Variants in SERPIND1 observed in about 807,000 individuals in gnomAD.
SERPIND1 encodes the protein serpin family D member 1.
SERPIND1 carries 34 observed loss-of-function variants against 35.0 expected under a neutral mutation model. That is an observed-to-expected ratio of 0.97 (90% CI 0.74 to 1.29). The LOEUF is 1.29. SERPIND1 is among the 50% of genes most tolerant of loss of function. SERPIND1 has a pLI of 0.00. For synonymous variants in SERPIND1, 236 were observed against 241.1 expected (o/e 0.98, Z 0.19); for missense variants, 633 against 637.7 (o/e 0.99, Z 0.08).
intron 2 of SERPIND1, among the ~76,000 whole-genome samples, chr22:20,780,902 C>A (rs964153928): frequency 2.1e-4 from 32 of 151,802 alleles, no homozygotes; most frequent in African/African-American, 7.3e-4. Flanking sequence ...AATACAAAAA[C>A]TGTTTTAGCA....
Position 20,779,548 on chromosome 22 carries a change from A to G in SERPIND1, c.236A>G (p.Tyr79Cys). Residue 79 changes from tyrosine to cysteine, a missense_variant, in exon 2 of 5, where the codon TAT (tyrosine) becomes TGT (cysteine). Physicochemically the swap from Tyr to Cys is radical, Grantham distance 194. Transcript: ENST00000215727. ...CCAGAGGGGGAGGAGGACGACGACTATCTGGACCTGGAGAAGATATTCAGT... is the reference window on the plus strand; with the variant it reads ...CCAGAGGGGGAGGAGGACGACGACTGTCTGGACCTGGAGAAGATATTCAGT... ...WIPEGEEDDDYLDLEKIFSED... is the reference protein window; with the variant it reads ...WIPEGEEDDDCLDLEKIFSED... 1.2e-6 allele frequency: 2 copies of G among 1,614,146 alleles called. No homozygotes were observed. Among genetic ancestry groups the G allele is most frequent in the Non-Finnish European group, 1.7e-6 (2 of 1,179,974 alleles).
At chr22:20,782,167 C>G (rs5760531) in intron 2 of SERPIND1, among the ~76,000 whole-genome samples, 10,438 of 152,246 alleles carry the variant, frequency 0.069, 352 homozygotes, top group East Asian at 0.079. Context: ...CCCCCAAGTA[C>G]ACCAAAGAGC....
At chr22:20,781,321 G>A (rs1465894691) in intron 2 of SERPIND1, among the ~76,000 whole-genome samples, 1 of 152,210 alleles carries the variant, frequency 6.6e-6, no homozygotes, top group Admixed American at 6.5e-5. Flanking sequence ...CACGAGGAAT[G>A]GTTCGGCTTC....
At chr22:20,784,921 T>C (rs1934092249) in intron 3 of SERPIND1, among the ~76,000 whole-genome samples, 1 of 152,100 alleles carries the variant, frequency 6.6e-6, no homozygotes, top group Non-Finnish European at 1.5e-5. Context: ...GCAACCAAAC[T>C]GAGAAAAGTA....
chr22:20,777,648 G>T (rs1027326671), intron 1 of SERPIND1, among the ~76,000 whole-genome samples: 2 of 152,218 alleles, frequency 1.3e-5, no homozygotes, highest in Non-Finnish European at 2.9e-5. Flanking sequence ...CACAGCGCCT[G>T]GCCGGCAGTT....
At position 20,776,389 on chromosome 22, in the gene SERPIND1, T is replaced by G. The variant is rs1933276009; in HGVS notation, c.-17+2244T>G. On this transcript the variant is annotated intron_variant, in intron 1 of 4. Transcript: ENST00000215727. Reference sequence around the variant, plus strand: ...TTTCCCGTGTGTAAACTAGTGGCACTGCAGCCTGAGGCAGGTGCTGAGATG... The same window carrying G: ...TTTCCCGTGTGTAAACTAGTGGCACGGCAGCCTGAGGCAGGTGCTGAGATG... 2.6e-5 allele frequency among the ~76,000 whole-genome samples: 4 copies of G among 152,192 alleles called. No homozygotes were observed. The South Asian group carries it at 8.3e-4, about 32-fold the overall frequency.
chr22:20,782,857 A>G (rs1433662605), intron 2 of SERPIND1, among the ~76,000 whole-genome samples: 1 of 152,196 alleles, frequency 6.6e-6, no homozygotes, highest in Non-Finnish European at 1.5e-5. Context: ...AGGCAGACTC[A>G]GGGAGAAGGG....
chr22:20,783,812 A>C (rs1179727084), intron 2 of SERPIND1, among the ~76,000 whole-genome samples, 160 bp from the exon 3 acceptor site: 2 of 152,114 alleles, frequency 1.3e-5, no homozygotes, highest in Admixed American at 6.5e-5. Flanking sequence ...TAGAAATGCA[A>C]ATTTCTGCCC....
chr22:20,779,752 CTT>C lies in SERPIND1; in HGVS notation c.442_443del (p.Phe148ArgfsTer2). 5 of 1,614,240 alleles carry C rather than the reference CTT, an allele frequency of 3.1e-6. No homozygotes were observed. The highest frequency in any genetic ancestry group is 4.2e-6 in the Non-Finnish European group (5 of 1,180,036). ...CGAGTGCTGAAAGACCAGGTCAACA[CTT>C]TCGATAACATCTTCATAGCACCCGT... On this transcript the variant is annotated frameshift_variant, in exon 2 of 5. Transcript: ENST00000215727. LOFTEE classifies it high-confidence loss of function.
At chr22:20,783,002 C>A (rs1933917125) in intron 2 of SERPIND1, among the ~76,000 whole-genome samples, 1 of 152,150 alleles carries the variant, frequency 6.6e-6, no homozygotes, top group Non-Finnish European at 1.5e-5. Context: ...CTTTGTGCCT[C>A]TGTTTCCTCA....
intron 2 of SERPIND1, 127 bp from the exon 3 acceptor site, chr22:20,783,845 A>G: frequency 7.9e-7 from 1 of 1,261,436 alleles, no homozygotes; most frequent in Non-Finnish European, 1.2e-6. Flanking sequence ...AGGAATCAAG[A>G]GACTGTGGGG....
chr22:20,787,166 T>C lies in SERPIND1; in HGVS notation c.*100T>C. 9.1e-7 allele frequency: 1 copy of C among 1,098,952 alleles called. No individual in the cohort carries two copies. Among genetic ancestry groups the C allele is most frequent in the Middle Eastern group, 2.8e-4 (1 of 3,582 alleles). The allele number at this position is 1,098,952 out of a possible 1,614,324, so 68.1% of individuals were successfully genotyped here. On this transcript the variant is annotated 3_prime_UTR_variant, in exon 5 of 5. Transcript: ENST00000215727. ...ATGTTCTGGCATCATTTACGTAGTT[T>C]ACGCTACCAATCTGAATTCGAGGCC...
At chr22:20,776,149 C>T (rs1236501378) in intron 1 of SERPIND1, among the ~76,000 whole-genome samples, 1 of 152,060 alleles carries the variant, frequency 6.6e-6, no homozygotes, top group Non-Finnish European at 1.5e-5. Flanking sequence ...TGGTAAAACC[C>T]CATCTTTACC....
rs151088480 is a variant in SERPIND1 at position 20,779,444 on chromosome 22, G to A, written c.132G>A (p.Gln44=). Residue 44 remains glutamine (Q), a synonymous_variant, in exon 2 of 5, where the codon CAG becomes CAA. Coordinates refer to ENST00000215727, the MANE Select transcript of SERPIND1 (RefSeq NM_000185.4). ...TAQSADPQWE[Q]LNNKNLSMPL... ...AGTCTGCAGATCCCCAGTGGGAGCA[G>A]TTAAATAACAAAAACCTGAGCATGC... 10 of 1,614,068 alleles carry A rather than the reference G, an allele frequency of 6.2e-6. 1 individual carries two copies. Among genetic ancestry groups the A allele is most frequent in the Non-Finnish European group, 8.5e-6 (10 of 1,180,022 alleles).
Position 20,786,219 on chromosome 22 carries a change from C to T in SERPIND1, c.1308+71C>T. 6.5e-6 allele frequency: 10 copies of T among 1,530,382 alleles called. 1 individual carries two copies. Among genetic ancestry groups the T allele is most frequent in the Non-Finnish European group, 9.0e-6 (10 of 1,108,006 alleles). 94.8% of individuals were successfully genotyped at this position (1,530,382 alleles called of 1,614,324 possible). ...TCAGCACAGCCCCACCTCCACTTGCCCTTCCTACCCACCCCCCAATCTCAT... is the reference window on the plus strand; with the variant it reads ...TCAGCACAGCCCCACCTCCACTTGCTCTTCCTACCCACCCCCCAATCTCAT... On this transcript the variant is annotated intron_variant, in intron 4 of 4. Coordinates refer to ENST00000215727, the MANE Select transcript of SERPIND1 (RefSeq NM_000185.4).
intron 1 of SERPIND1, among the ~76,000 whole-genome samples, 189 bp downstream of exon 1, chr22:20,774,334 A>G (rs774296278): frequency 6.6e-6 from 1 of 152,230 alleles, no homozygotes; most frequent in Non-Finnish European, 1.5e-5. Flanking sequence ...GGGAGAGTTG[A>G]CAAACTTAGA....
In SERPIND1 at chr22:20,786,132, G is replaced by A. The variant is rs774829798; in HGVS notation, c.1292G>A (p.Arg431Lys). The A allele has an allele frequency of 3.1e-6, 5 of 1,613,986 alleles. No homozygotes were observed. The highest frequency in any genetic ancestry group is 4.2e-6 in the Non-Finnish European group (5 of 1,180,030). ...NGNMAGISDQ[R>K]IAIDLFKHQG... ...AACATGGCAGGCATCTCAGACCAAAGGATCGCCATCGACCTGGTAACCACT... is the reference window on the plus strand; with the variant it reads ...AACATGGCAGGCATCTCAGACCAAAAGATCGCCATCGACCTGGTAACCACT... Residue 431 changes from arginine (R) to lysine (K), a missense_variant, in exon 4 of 5, where the codon AGG (arginine) becomes AAG (lysine). Physicochemically the swap from Arg to Lys is conservative, Grantham distance 26. Coordinates refer to ENST00000215727, the MANE Select transcript of SERPIND1 (RefSeq NM_000185.4).
chr22:20,778,530 TACA>T (rs762656623), intron 1 of SERPIND1, among the ~76,000 whole-genome samples: 72 of 151,892 alleles, frequency 4.7e-4, no homozygotes, highest in Non-Finnish European at 9.1e-4. Flanking sequence ...AAAAGCCAAT[TACA>T]ACAACAACAA....
chr22:20,780,775 CAAA>C (rs538327544), intron 2 of SERPIND1, among the ~76,000 whole-genome samples: 3 of 67,682 alleles, frequency 4.4e-5, no homozygotes, highest in African/African-American at 6.6e-5. Flanking sequence ...GACTCCATCT[CAAA>C]AAAAAAAAAA....
Sources: allele counts gnomAD v4.1 joint callset (sites outside exome capture counted in the v4.1 genomes callset), GRCh38; gene constraint gnomAD v4.1.1; transcripts MANE v1.5; gene names NCBI Gene and HGNC (gene_info 2026-07-23, HGNC 2026-07-21).